SPHKAP: variants seen among roughly 807,000 people sequenced by gnomAD.
SPHKAP encodes A-kinase anchor protein SPHKAP.
SPHKAP carries 67 observed loss-of-function variants against 137.5 expected under a neutral mutation model. That is an observed-to-expected ratio of 0.49 (90% CI 0.40 to 0.60). The LOEUF is 0.60. SPHKAP is among the 20% of genes least tolerant of loss of function. The pLI is 0.00. For synonymous variants in SPHKAP, 813 were observed against 785.3 expected (o/e 1.04, Z -0.59); for missense variants, 2,097 against 2,069.3 (o/e 1.01, Z -0.26).
chr2:228,020,618 A>C (rs1694806830), intron 6 of SPHKAP, among the ~76,000 whole-genome samples: 1 of 152,182 alleles, frequency 6.6e-6, no homozygotes, highest in Non-Finnish European at 1.5e-5. Context: ...CCTAATGTAA[A>C]TGACAAGTTA....
intron 7 of SPHKAP, among the ~76,000 whole-genome samples, chr2:228,011,737 A>G (rs942864149): frequency 6.6e-6 from 1 of 152,168 alleles, no homozygotes; most frequent in Non-Finnish European, 1.5e-5. Flanking sequence ...TATCTATTAT[A>G]CGGGGTATAC....
chr2:228,065,567 G>A (rs1006733577), intron 3 of SPHKAP, among the ~76,000 whole-genome samples: 5 of 152,128 alleles, frequency 3.3e-5, no homozygotes, highest in Non-Finnish European at 2.9e-5. Context: ...AGAAGAAATG[G>A]GTTCAAATTC....
intron 2 of SPHKAP, among the ~76,000 whole-genome samples, chr2:228,125,849 G>C (rs970433321): frequency 6.6e-6 from 1 of 152,050 alleles, no homozygotes; most frequent in Non-Finnish European, 1.5e-5. Flanking sequence ...GGCCGAGGCG[G>C]GTGGACCATT....
At chr2:228,152,698 C>T (rs67040074) in intron 1 of SPHKAP, among the ~76,000 whole-genome samples, 51,245 of 150,484 alleles carry the variant, frequency 0.34, 8,945 homozygotes, top group East Asian at 0.5. Flanking sequence ...ATTTTTTGGC[C>T]TAGTGTGGAA....
chr2:228,083,579 C>T (rs1697436534), intron 3 of SPHKAP, among the ~76,000 whole-genome samples: 1 of 152,142 alleles, frequency 6.6e-6, no homozygotes, highest in South Asian at 2.1e-4. Context: ...AATCCCATTA[C>T]TGAGTATATA....
rs748169066 is a variant in SPHKAP at position 228,103,558 on chromosome 2, GT to G, written c.246+5273del. Among the ~76,000 whole-genome samples the G allele has an allele frequency of 2.6e-5, 4 of 152,186 alleles. No homozygotes were observed. In the East Asian group the frequency reaches 7.7e-4, roughly 29 times the overall value. The stretch of plus-strand genomic sequence containing the variant: ...AGTTGGCAGAAATAAGCCCTCTCTG[GT>G]GGGGGCTGGGAGCTGCCTCTCACTC... On this transcript the variant is annotated intron_variant, in intron 3 of 11. Coordinates refer to ENST00000392056, the MANE Select transcript of SPHKAP (RefSeq NM_001142644.2).
chr2:228,136,935 T>C (rs1236191171), intron 1 of SPHKAP, among the ~76,000 whole-genome samples: 1 of 152,080 alleles, frequency 6.6e-6, no homozygotes, highest in African/African-American at 2.4e-5. Context: ...TCCTACTCTG[T>C]CCTTTGGGTC....
At chr2:228,092,173 ACAC>A (rs1390124167) in intron 3 of SPHKAP, among the ~76,000 whole-genome samples, 3 of 107,548 alleles carry the variant, frequency 2.8e-5, no homozygotes, top group Non-Finnish European at 6.0e-5. Flanking sequence ...GTGTGTACAC[ACAC>A]ATGTGTGTAC....
chr2:228,006,998 G>A lies in SPHKAP; in HGVS notation c.4448+9408C>T, dbSNP rs1240510655. On this transcript the variant is annotated intron_variant, in intron 7 of 11. Coordinates refer to ENST00000392056, the MANE Select transcript of SPHKAP (RefSeq NM_001142644.2). ...CTACTCGGGGGTCAGGGACCTACTTGAGGAGGCAGTCTGTCCATTCTCATA... is the reference window on the plus strand; with the variant it reads ...CTACTCGGGGGTCAGGGACCTACTTAAGGAGGCAGTCTGTCCATTCTCATA... Among the ~76,000 whole-genome samples, 10 of 152,300 alleles carry A rather than the reference G, an allele frequency of 6.6e-5. No individual in the cohort carries two copies. In the East Asian group the frequency reaches 1.7e-3, roughly 27 times the overall value.
chr2:228,108,446 A>C (rs1183929985), intron 3 of SPHKAP, among the ~76,000 whole-genome samples: 2 of 152,126 alleles, frequency 1.3e-5, no homozygotes, highest in East Asian at 3.9e-4. Flanking sequence ...AGAATGATGG[A>C]ACATTTGTAG....
chr2:228,092,291 A>ATGTG (rs1322212302), intron 3 of SPHKAP, among the ~76,000 whole-genome samples: 1 of 144,054 alleles, frequency 6.9e-6, no homozygotes, highest in East Asian at 2.1e-4. Flanking sequence ...GTGCGTGTAT[A>ATGTG]CGTGCACACA....
chr2:228,056,965 A>T (rs1288683814), intron 3 of SPHKAP, among the ~76,000 whole-genome samples: 3 of 152,226 alleles, frequency 2.0e-5, no homozygotes, highest in African/African-American at 7.2e-5. Flanking sequence ...GACTTGTTGA[A>T]TGGACTGAGA....
At chr2:228,086,721 G>C (rs1357083848) in intron 3 of SPHKAP, among the ~76,000 whole-genome samples, 1 of 152,164 alleles carries the variant, frequency 6.6e-6, no homozygotes, top group Non-Finnish European at 1.5e-5. Context: ...CAGGAGGAAA[G>C]ATAGTCTGTG....
At chr2:228,107,860 A>G (rs1419345404) in intron 3 of SPHKAP, among the ~76,000 whole-genome samples, 2 of 152,326 alleles carry the variant, frequency 1.3e-5, no homozygotes, top group East Asian at 3.9e-4. Context: ...AAAAGTACGA[A>G]AAGCAGCAGA....
At chr2:228,093,874 A>C (rs868472141) in intron 3 of SPHKAP, among the ~76,000 whole-genome samples, 2,974 of 149,842 alleles carry the variant, frequency 0.02, 112 homozygotes, top group African/African-American at 0.069. Context: ...AAAAAAAAAA[A>C]AAAAAAAAAA....
At chr2:228,165,614 C>A (rs1243922620) in intron 1 of SPHKAP, among the ~76,000 whole-genome samples, 5 of 152,026 alleles carry the variant, frequency 3.3e-5, no homozygotes, top group Non-Finnish European at 5.9e-5. Flanking sequence ...TACAGATAAC[C>A]TTTGTGAAAA....
At chr2:227,982,225 C>A in intron 11 of SPHKAP, 1 of 985,188 alleles carries the variant, frequency 1.0e-6, no homozygotes, top group Non-Finnish European at 1.2e-6. Flanking sequence ...TTACAGCTCC[C>A]AGTCCCTTCT....
chr2:228,065,862 C>T (rs958429351), intron 3 of SPHKAP, among the ~76,000 whole-genome samples: 6 of 152,134 alleles, frequency 3.9e-5, no homozygotes, highest in African/African-American at 1.4e-4. Context: ...GCAAACCAGC[C>T]CCAGGCTATT....
intron 3 of SPHKAP, among the ~76,000 whole-genome samples, chr2:228,073,560 G>A (rs940651389): frequency 6.6e-6 from 1 of 152,162 alleles, no homozygotes; most frequent in Admixed American, 6.5e-5. Context: ...CTCAGGAAGG[G>A]CTAAAAGACT....
Sources: allele counts gnomAD v4.1 joint callset (sites outside exome capture counted in the v4.1 genomes callset), GRCh38; gene constraint gnomAD v4.1.1; transcripts MANE v1.5; gene names NCBI Gene and HGNC (gene_info 2026-07-23, HGNC 2026-07-21).